RAB3GAP1: variants seen among roughly 807,000 people sequenced by gnomAD.
RAB3GAP1 encodes RAB3 GTPase activating protein catalytic subunit 1.
Under a neutral mutation model 130.7 loss-of-function variants are expected in RAB3GAP1, and 86 were observed. The observed-to-expected ratio is 0.66, with a 90% CI of 0.55 to 0.79. RAB3GAP1 has a LOEUF of 0.79. Ranked by LOEUF, RAB3GAP1 falls within the 30% of genes least tolerant of loss-of-function variation. RAB3GAP1 has a pLI of 0.00. For synonymous variants in RAB3GAP1, 367 were observed against 401.7 expected, an observed-to-expected ratio of 0.91 and a Z score of 1.03; for missense variants, 1,029 against 1,169.4, an observed-to-expected ratio of 0.88 and a Z score of 1.75.
chr2:135,135,845 A>G lies in RAB3GAP1; in HGVS notation c.1836A>G (p.Ala612=), dbSNP rs1338965507. 6.2e-7 allele frequency: 1 copy of G among 1,614,064 alleles called. No individual in the cohort carries two copies. The highest frequency in any genetic ancestry group is 2.2e-5 in the East Asian group (1 of 44,898). The change falls in exon 17 of 24, where the codon GCA becomes GCG. Residue 612 remains alanine, a synonymous_variant. Coordinates refer to ENST00000264158, the MANE Select transcript of RAB3GAP1 (RefSeq NM_012233.3). ...AGAAAGGAGGACCTAAGGAGATGGC[A>G]AATTTAAGGCCGGAAGGACGGCTCT... is the stretch of plus-strand genomic sequence containing the variant. ...SGKKGGPKEM[A]NLRPEGRLYQ...
intron 2 of RAB3GAP1, among the ~76,000 whole-genome samples, chr2:135,057,434 C>G (rs1386050239): frequency 6.6e-6 from 1 of 152,194 alleles, no homozygotes; most frequent in Non-Finnish European, 1.5e-5. Flanking sequence ...TGGAATCTCA[C>G]TCTGTCGCCC....
intron 17 of RAB3GAP1, among the ~76,000 whole-genome samples, chr2:135,147,769 T>C (rs1298644885): frequency 6.6e-6 from 1 of 152,044 alleles, no homozygotes; most frequent in Non-Finnish European, 1.5e-5. Flanking sequence ...CCCACGACCA[T>C]GCCCAGCTAC....
At chr2:135,116,247 G>A (rs1690969193) in intron 7 of RAB3GAP1, among the ~76,000 whole-genome samples, 1 of 151,994 alleles carries the variant, frequency 6.6e-6, no homozygotes, top group Non-Finnish European at 1.5e-5. Flanking sequence ...TAAGTATATT[G>A]ATTAGGATAT....
At chr2:135,115,133 T>A (rs1690928644) in intron 6 of RAB3GAP1, 83 bp from the exon 7 acceptor site, 3 of 1,349,850 alleles carry the variant, frequency 2.2e-6, no homozygotes, top group African/African-American at 2.9e-5. Context: ...TTCTTGAGAT[T>A]AAAATAATTT....
intron 12 of RAB3GAP1, 93 bp downstream of exon 12, chr2:135,130,180 T>C: frequency 9.5e-7 from 1 of 1,051,994 alleles, no homozygotes; most frequent in Non-Finnish European, 1.5e-6. Context: ...TTTCTCATTT[T>C]GAATTAAGTT....
intron 22 of RAB3GAP1, 101 bp downstream of exon 22, chr2:135,163,202 C>A (rs1692520814): frequency 3.7e-6 from 3 of 815,320 alleles, no homozygotes; most frequent in Non-Finnish European, 6.4e-6. Flanking sequence ...TTGTGGTAAT[C>A]ATATATTATT....
rs1036132774 is a variant in RAB3GAP1 at position 135,090,988 on chromosome 2, G to A, written c.151-10G>A. The A allele has an allele frequency of 5.0e-6, 8 of 1,609,658 alleles. No individual in the cohort carries two copies. The highest frequency in any genetic ancestry group is 1.3e-5 in the African/African-American group (1 of 74,710). On this transcript the variant is annotated splice_polypyrimidine_tract_variant and intron_variant, in intron 3 of 23. Coordinates refer to ENST00000264158, the MANE Select transcript of RAB3GAP1 (RefSeq NM_012233.3). The stretch of plus-strand genomic sequence containing the variant: ...AGGTAAATATTTTGCCATTTTATTG[G>A]TACATATAGGGTATATTTACTTCTG...
intron 13 of RAB3GAP1, among the ~76,000 whole-genome samples, chr2:135,132,234 G>A (rs768866745): frequency 2.0e-5 from 3 of 152,196 alleles, no homozygotes; most frequent in Admixed American, 1.3e-4. Context: ...GTAAATAAAT[G>A]TCTATAGAGA....
At chr2:135,151,538 T>A (rs928382718) in intron 18 of RAB3GAP1, among the ~76,000 whole-genome samples, 3 of 152,212 alleles carry the variant, frequency 2.0e-5, no homozygotes, top group African/African-American at 4.8e-5. Context: ...CTTTTCTAAA[T>A]GAAAAACATC....
chr2:135,154,456 A>G (rs58901338), intron 19 of RAB3GAP1, among the ~76,000 whole-genome samples: 6,761 of 152,228 alleles, frequency 0.044, 511 homozygotes, highest in African/African-American at 0.16. Context: ...TAAGTAAATA[A>G]ATCCATGCAT....
chr2:135,068,495 G>C (rs970356104), intron 3 of RAB3GAP1, among the ~76,000 whole-genome samples: 2 of 149,224 alleles, frequency 1.3e-5, no homozygotes, highest in African/African-American at 4.9e-5. Context: ...GCTCACGCCT[G>C]TAATCCCATC....
chr2:135,135,459 A>G, intron 16 of RAB3GAP1, 105 bp from the exon 17 acceptor site: 1 of 1,457,306 alleles, frequency 6.9e-7, no homozygotes, highest in Non-Finnish European at 9.4e-7. Flanking sequence ...TGCAATTCAC[A>G]AGGTCCTGAG....
chr2:135,096,308 T>G (rs1690289348), intron 5 of RAB3GAP1, among the ~76,000 whole-genome samples: 1 of 152,134 alleles, frequency 6.6e-6, no homozygotes, highest in African/African-American at 2.4e-5. Context: ...AATTCTAAGG[T>G]AGGGGAAAAT....
chr2:135,065,869 C>T (rs1042281174), intron 3 of RAB3GAP1, among the ~76,000 whole-genome samples: 3 of 146,970 alleles, frequency 2.0e-5, no homozygotes, highest in Non-Finnish European at 3.0e-5. Context: ...CTCCCAGGTT[C>T]GAGTGATTCT....
At chr2:135,062,759 T>G (rs1219810197) in intron 3 of RAB3GAP1, among the ~76,000 whole-genome samples, 6 of 152,230 alleles carry the variant, frequency 3.9e-5, no homozygotes, top group Non-Finnish European at 8.8e-5. Flanking sequence ...TTAAATTTAT[T>G]ACTAAGGATT....
chr2:135,133,633 T>C (rs1007693538), intron 14 of RAB3GAP1, among the ~76,000 whole-genome samples: 1 of 152,220 alleles, frequency 6.6e-6, no homozygotes, highest in African/African-American at 2.4e-5. Context: ...GCTGTAACTT[T>C]AGCTTCATTA....
chr2:135,058,243 T>A, intron 3 of RAB3GAP1, 157 bp downstream of exon 3: 2 of 680,412 alleles, frequency 2.9e-6, no homozygotes, highest in Non-Finnish European at 5.2e-6. Flanking sequence ...TGGATTTAAA[T>A]CTGTGGCAAA....
intron 7 of RAB3GAP1, among the ~76,000 whole-genome samples, chr2:135,120,530 C>G (rs1006889814): frequency 6.6e-6 from 1 of 152,196 alleles, no homozygotes; most frequent in Non-Finnish European, 1.5e-5. Flanking sequence ...CATCCCTGAT[C>G]CACCTCTTGA....
chr2:135,100,567 ATGGT>A (rs1422899351), intron 5 of RAB3GAP1, among the ~76,000 whole-genome samples: 1 of 152,224 alleles, frequency 6.6e-6, no homozygotes, highest in East Asian at 1.9e-4. Flanking sequence ...AGTTTGCCGT[ATGGT>A]TGGAAGTCAC....
Sources: allele counts gnomAD v4.1 joint callset (sites outside exome capture counted in the v4.1 genomes callset), GRCh38; gene constraint gnomAD v4.1.1; transcripts MANE v1.5; gene names NCBI Gene and HGNC (gene_info 2026-07-23, HGNC 2026-07-21).